Variants in SHC3 observed in about 807,000 individuals in gnomAD.
The protein encoded by SHC3 is SHC-transforming protein 3.
In SHC3, 15 loss-of-function variants were observed where a neutral mutation model predicts 60.4. That is an observed-to-expected ratio of 0.25 (90% CI 0.17 to 0.38). The LOEUF is 0.38. SHC3 is among the 10% of genes least tolerant of loss of function. SHC3 has a pLI of 1.00. For synonymous variants in SHC3, 294 were observed against 325.9 expected, an observed-to-expected ratio of 0.90 and a Z score of 1.05; for missense variants, 677 against 786.1, an observed-to-expected ratio of 0.86 and a Z score of 1.66.
In SHC3 at chr9:89,172,498, C is replaced by T. The variant is rs553758667; in HGVS notation, c.474+5489G>A. 3.8e-4 allele frequency among the ~76,000 whole-genome samples: 58 copies of T among 151,912 alleles called. 1 individual carries two copies. In the South Asian group the frequency reaches 9.0e-3, roughly 23 times the overall value. ...AAGGCATATTGTGCAGCTGCACATC[C>T]CCACACCCCATCACACACACACAGA... On this transcript the variant is annotated intron_variant, in intron 1 of 11. Transcript: ENST00000375835.
chr9:89,115,406 AC>A, intron 1 of SHC3, among the ~76,000 whole-genome samples: 1 of 152,312 alleles, frequency 6.6e-6, no homozygotes, highest in East Asian at 1.9e-4. Flanking sequence ...TTATGGGAAC[AC>A]CACATTCACT....
Position 89,144,056 on chromosome 9 carries a change from G to T in SHC3, c.475-31430C>A, listed in dbSNP as rs4876970. On this transcript the variant is annotated intron_variant, in intron 1 of 11. Transcript: ENST00000375835. ...TTTCACAAGGATCTATCCATAAAAGGTCTTATTTAAAGAAAGAGAAAGTAT... is the reference window on the plus strand; with the variant it reads ...TTTCACAAGGATCTATCCATAAAAGTTCTTATTTAAAGAAAGAGAAAGTAT... Among the ~76,000 whole-genome samples the T allele has an allele frequency of 5.6e-3, 852 of 152,232 alleles. 22 individuals are homozygous for T. The highest frequency in any genetic ancestry group is 0.041 in the Admixed American group (631 of 15,302).
rs1245140782 is a variant in SHC3, at chr9:89,011,179, T to C, written c.*2268A>G. On this transcript the variant is annotated 3_prime_UTR_variant, in exon 12 of 12. Coordinates refer to ENST00000375835, the MANE Select transcript of SHC3 (RefSeq NM_016848.6). ...TTGAATTAATATTAAAAAGAAAAAA[T>C]TCGACTCCAATACTTTAAATTTTCT... 6.6e-6 allele frequency: 1 copy of C among 152,094 alleles called. No homozygotes were observed. Among genetic ancestry groups the C allele is most frequent in the South Asian group, 2.1e-4 (1 of 4,798 alleles). The allele number at this position is 152,094 out of a possible 1,614,324, so 9.4% of individuals were successfully genotyped here. A position where few individuals can be genotyped will look rare whatever the true frequency, so the allele number is the denominator to read the frequency against.
At chr9:89,014,124 G>T (rs1371830504) in intron 11 of SHC3, among the ~76,000 whole-genome samples, 1 of 152,222 alleles carries the variant, frequency 6.6e-6, no homozygotes, top group Non-Finnish European at 1.5e-5. Flanking sequence ...CCCCAGAGGA[G>T]CTCCTGTTGC....
chr9:89,163,199 A>C (rs1159317524), intron 1 of SHC3, among the ~76,000 whole-genome samples: 1 of 151,682 alleles, frequency 6.6e-6, no homozygotes, highest in East Asian at 1.9e-4. Context: ...TTCCTCAGGG[A>C]TCTAGAACTG....
chr9:89,063,022 C>G (rs1178418337), intron 6 of SHC3, among the ~76,000 whole-genome samples: 1 of 152,234 alleles, frequency 6.6e-6, no homozygotes, highest in Non-Finnish European at 1.5e-5. Context: ...GCTGGGCCTC[C>G]TCACACATGG....
At chr9:89,167,113 C>G (rs1406090908) in intron 1 of SHC3, among the ~76,000 whole-genome samples, 2 of 151,728 alleles carry the variant, frequency 1.3e-5, no homozygotes, top group Non-Finnish European at 2.9e-5. Flanking sequence ...CCTGGGGGTC[C>G]AGCAGGAGGG....
Position 89,013,568 on chromosome 9 carries a change from G to T in SHC3, c.1664C>A (p.Thr555Lys), listed in dbSNP as rs1826044770. The T allele has an allele frequency of 6.2e-7, 1 of 1,611,664 alleles. No individual in the cohort carries two copies. Among genetic ancestry groups the T allele is most frequent in the Non-Finnish European group, 8.5e-7 (1 of 1,179,230 alleles). Residue 555 changes from threonine (T) to lysine (K), a missense_variant, in exon 12 of 12, where the codon ACA becomes AAA. Physicochemically the swap from Thr to Lys is moderately conservative, Grantham distance 78. Transcript: ENST00000375835. ...GATACTGTCAAAGACTCTGTCCTTT[G>T]TCCGGATCTATGAATGAAGCAAAGG... ...LLVDPEGTIR[T>K]KDRVFDSISH...
At chr9:89,100,636 T>G (rs767336964) in intron 2 of SHC3, among the ~76,000 whole-genome samples, 8 of 152,210 alleles carry the variant, frequency 5.3e-5, no homozygotes, top group African/African-American at 1.4e-4. Flanking sequence ...TTGTAATCAA[T>G]ATCACTTTTC....
At chr9:89,154,866 CAAAGGA>C (rs1826599602) in intron 1 of SHC3, among the ~76,000 whole-genome samples, 1 of 152,166 alleles carries the variant, frequency 6.6e-6, no homozygotes, top group Non-Finnish European at 1.5e-5. Context: ...TATCCAAAGT[CAAAGGA>C]AAAGAGCAAA....
chr9:89,028,720 A>G (rs1479443152), intron 11 of SHC3, among the ~76,000 whole-genome samples: 3 of 144,558 alleles, frequency 2.1e-5, no homozygotes, highest in African/African-American at 5.1e-5. Context: ...ATATCTATAT[A>G]GAGAATATAT....
At chr9:89,048,073 G>A (rs1255146798) in intron 7 of SHC3, among the ~76,000 whole-genome samples, 1 of 151,960 alleles carries the variant, frequency 6.6e-6, no homozygotes, top group Non-Finnish European at 1.5e-5. Flanking sequence ...GTGAAACCCT[G>A]TCTCTACTAA....
At chr9:89,072,746 A>G (rs1473838439) in intron 4 of SHC3, among the ~76,000 whole-genome samples, 4 of 152,224 alleles carry the variant, frequency 2.6e-5, no homozygotes, top group Non-Finnish European at 4.4e-5. Context: ...CTAACCCAAC[A>G]TAACCAGGTT....
chr9:89,086,912 A>G (rs927606618), intron 2 of SHC3, among the ~76,000 whole-genome samples: 8 of 152,228 alleles, frequency 5.3e-5, no homozygotes, highest in Admixed American at 1.3e-4. Flanking sequence ...TTGGGGGCAC[A>G]TGCACTGATC....
intron 2 of SHC3, among the ~76,000 whole-genome samples, chr9:89,111,784 A>C (rs1275804015): frequency 6.6e-6 from 1 of 152,186 alleles, no homozygotes; most frequent in East Asian, 1.9e-4. Flanking sequence ...TGAATCAAGT[A>C]AATATGAGGC....
chr9:89,178,477 G>T lies in SHC3; in HGVS notation c.-17C>A. 2.1e-6 allele frequency: 3 copies of T among 1,425,172 alleles called. No homozygotes were observed. Among genetic ancestry groups the T allele is most frequent in the Non-Finnish European group, 1.8e-6 (2 of 1,083,028 alleles). 88.3% of individuals were successfully genotyped at this position (1,425,172 alleles called of 1,614,324 possible). ...TGGAAGCATGCCCCTCCGTGGGCTC[G>T]CTGCATCCGCCCGGGCGCTGCTGGT... On this transcript the variant is annotated 5_prime_UTR_variant, in exon 1 of 12. Transcript: ENST00000375835. This position sits in a 1 kb window ranked among gnomAD's most constrained non-coding sequence, Gnocchi z 6.9.
intron 2 of SHC3, chr9:89,110,404 T>G (rs191673625): frequency 7.1e-6 from 7 of 985,260 alleles, no homozygotes; most frequent in Non-Finnish European, 4.8e-6. Flanking sequence ...GATTTCCCTA[T>G]AAACTTCCAA....
At chr9:89,026,210 C>T (rs532326369) in intron 11 of SHC3, among the ~76,000 whole-genome samples, 17 of 142,222 alleles carry the variant, frequency 1.2e-4, no homozygotes, top group East Asian at 4.3e-4. Context: ...GCTGAGATTG[C>T]GCCACTGTAC....
At chr9:89,118,115 A>T (rs971507244) in intron 1 of SHC3, among the ~76,000 whole-genome samples, 1 of 151,824 alleles carries the variant, frequency 6.6e-6, no homozygotes, top group African/African-American at 2.4e-5. Context: ...ATTTCATATT[A>T]CAGTCTATAC....
Sources: allele counts gnomAD v4.1 joint callset (sites outside exome capture counted in the v4.1 genomes callset), GRCh38; gene constraint gnomAD v4.1.1; non-coding constraint Gnocchi (gnomAD v3.1); transcripts MANE v1.5; gene names NCBI Gene and HGNC (gene_info 2026-07-23, HGNC 2026-07-21).